CCDC102B: variants seen among roughly 807,000 people sequenced by gnomAD.
The protein encoded by CCDC102B is coiled-coil domain-containing protein 102B.
A neutral mutation model predicts 57.4 loss-of-function variants in CCDC102B; 75 were observed. The observed-to-expected ratio is 1.31, with a 90% confidence interval of 1.08 to 1.58. The LOEUF (loss-of-function observed/expected upper bound fraction) is 1.58. CCDC102B is among the 40% of genes most tolerant of loss of function. The pLI is 0.00. For missense variants in CCDC102B, 636 were observed against 582.6 expected, an observed-to-expected ratio of 1.09 and a Z score of -0.94; for synonymous variants, 206 against 201.9, an observed-to-expected ratio of 1.02 and a Z score of -0.17.
intron 2 of CCDC102B, among the ~76,000 whole-genome samples, chr18:68,765,382 G>GAA (rs1478249163): frequency 4.9e-4 from 61 of 125,186 alleles, no homozygotes; most frequent in African/African-American, 1.8e-3. Flanking sequence ...AGAAAGAAAA[G>GAA]AAAGAAAGAA....
intron 6 of CCDC102B, among the ~76,000 whole-genome samples, chr18:68,999,013 G>C (rs1394967794): frequency 7.1e-6 from 1 of 141,408 alleles, no homozygotes; most frequent in Non-Finnish European, 1.6e-5. Context: ...GAGAGAGAGA[G>C]AGAGAGAGAG....
At chr18:68,801,893 G>A (rs2035866630) in intron 1 of CCDC102B, among the ~76,000 whole-genome samples, 1 of 152,076 alleles carries the variant, frequency 6.6e-6, no homozygotes, top group Admixed American at 6.5e-5. Context: ...TATGACCTCT[G>A]CAAAAGATCA....
chr18:68,724,731 A>G (rs1481638520), intron 2 of CCDC102B, among the ~76,000 whole-genome samples: 1 of 152,146 alleles, frequency 6.6e-6, no homozygotes, highest in Non-Finnish European at 1.5e-5. Flanking sequence ...CCTGTCTTCT[A>G]AACCCTTCAA....
intron 2 of CCDC102B, among the ~76,000 whole-genome samples, chr18:68,791,624 A>ATG (rs769792111): frequency 2.1e-3 from 176 of 84,322 alleles, no homozygotes; most frequent in Middle Eastern, 6.1e-3. Flanking sequence ...GAGTGTGTGT[A>ATG]TGTGTGTGTG....
intron 6 of CCDC102B, among the ~76,000 whole-genome samples, chr18:68,947,305 A>T (rs1371902716): frequency 6.6e-6 from 1 of 152,066 alleles, no homozygotes; most frequent in Non-Finnish European, 1.5e-5. Context: ...AACTGAAGTA[A>T]ATGAAAATAC....
intron 6 of CCDC102B, chr18:68,899,924 G>A (rs2145027709): frequency 1.3e-5 from 2 of 152,156 alleles, no homozygotes; most frequent in South Asian, 4.2e-4. Context: ...AATCCCCATT[G>A]AGTAGTTGCT....
intron 7 of CCDC102B, among the ~76,000 whole-genome samples, chr18:69,028,920 A>C (rs2052063537): frequency 1.3e-5 from 2 of 148,744 alleles, no homozygotes; most frequent in African/African-American, 2.6e-5. Context: ...CTATTACATA[A>C]ATTGTTCATG....
intron 2 of CCDC102B, among the ~76,000 whole-genome samples, chr18:68,760,955 A>G (rs1280682162): frequency 6.6e-6 from 1 of 151,970 alleles, no homozygotes; most frequent in Non-Finnish European, 1.5e-5. Flanking sequence ...CAGGCAAAAG[A>G]AAAAAAATTC....
chr18:68,896,119 AT>A (rs1473021809), intron 5 of CCDC102B, among the ~76,000 whole-genome samples: 2 of 152,038 alleles, frequency 1.3e-5, no homozygotes, highest in African/African-American at 4.8e-5. Flanking sequence ...GTGAAGTCAC[AT>A]TAGAATGCAT....
intron 6 of CCDC102B, among the ~76,000 whole-genome samples, chr18:68,979,554 T>C (rs2050523916): frequency 6.6e-6 from 1 of 151,946 alleles, no homozygotes; most frequent in South Asian, 2.1e-4. Context: ...TTAGAATTCT[T>C]TGTTGGGAGA....
At chr18:69,022,193 C>CTATATATATATATATATA (rs57226048) in intron 7 of CCDC102B, among the ~76,000 whole-genome samples, 134 of 142,030 alleles carry the variant, frequency 9.4e-4, no homozygotes, top group African/African-American at 3.6e-3. Flanking sequence ...ATCCTTTAGC[C>CTATATATATATATATATA]TATATATATA....
rs565168979 is a variant in CCDC102B, at chr18:68,742,538, G to T, written c.-67+25944G>T. Among the ~76,000 whole-genome samples, 8 of 152,324 alleles carry T rather than the reference G, an allele frequency of 5.3e-5. No individual in the cohort carries two copies. The South Asian group carries it at 1.2e-3, about 24-fold the overall frequency. On this transcript the variant is annotated intron_variant, in intron 2 of 3. Coordinates refer to the CCDC102B transcript ENST00000578970. Reference sequence around the variant, plus strand: ...TCTTTGACAGAAGTGATTAATGTTTGTATATAAGGCAAACATAATGGCAGA... The same window carrying T: ...TCTTTGACAGAAGTGATTAATGTTTTTATATAAGGCAAACATAATGGCAGA...
chr18:68,981,055 A>G (rs1016690808), intron 6 of CCDC102B, among the ~76,000 whole-genome samples: 1 of 152,050 alleles, frequency 6.6e-6, no homozygotes, highest in African/African-American at 2.4e-5. Flanking sequence ...AGGAGAGTAG[A>G]TATCATTGGA....
chr18:68,842,323 A>G (rs8086749), intron 3 of CCDC102B, among the ~76,000 whole-genome samples: 144,157 of 151,868 alleles, frequency 0.95, 68,874 homozygotes, highest in East Asian at 1. Context: ...ATATTTGAAA[A>G]TCAAGCTTAT....
Position 68,825,238 on chromosome 18 carries a change from T to G in CCDC102B, c.-15-11511T>G, listed in dbSNP as rs189766457. On this transcript the variant is annotated intron_variant, in intron 1 of 7. Coordinates refer to ENST00000360242, the MANE Select transcript of CCDC102B (RefSeq NM_024781.3). Reference sequence around the variant, plus strand: ...TTAAAAATTTTAATGCCACTTTATGTGTTCAGAGTAAGCACTACTGAACTT... The same window carrying G: ...TTAAAAATTTTAATGCCACTTTATGGGTTCAGAGTAAGCACTACTGAACTT... 1.2e-4 allele frequency among the ~76,000 whole-genome samples: 19 copies of G among 152,372 alleles called. No individual in the cohort carries two copies. The East Asian group carries it at 3.7e-3, about 29-fold the overall frequency.
intron 6 of CCDC102B, among the ~76,000 whole-genome samples, chr18:69,010,433 A>G (rs1206026596): frequency 6.6e-6 from 1 of 152,082 alleles, no homozygotes; most frequent in Non-Finnish European, 1.5e-5. Flanking sequence ...TTCTTTACTC[A>G]TGATGGGTCC....
chr18:68,936,459 T>A (rs2049240564), intron 6 of CCDC102B, among the ~76,000 whole-genome samples: 1 of 152,018 alleles, frequency 6.6e-6, no homozygotes, highest in Admixed American at 6.6e-5. Context: ...TTCAGCCCCT[T>A]GGTATAGAAG....
At chr18:68,764,212 T>G (rs1176983367) in intron 2 of CCDC102B, among the ~76,000 whole-genome samples, 1 of 152,148 alleles carries the variant, frequency 6.6e-6, no homozygotes, top group Non-Finnish European at 1.5e-5. Context: ...CCGTATACTT[T>G]TTTCCAATGG....
chr18:69,012,386 T>A (rs977214185), intron 7 of CCDC102B, among the ~76,000 whole-genome samples: 3 of 152,142 alleles, frequency 2.0e-5, no homozygotes, highest in Non-Finnish European at 2.9e-5. Flanking sequence ...CTAGGGTTCG[T>A]GGACTAATGA....
Sources: gnomAD v4.1 joint callset for allele counts (sites outside exome capture counted in the v4.1 genomes callset) on GRCh38, gnomAD v4.1.1 for gene constraint, MANE v1.5 for transcripts, NCBI Gene and HGNC (gene_info 2026-07-23, HGNC 2026-07-21) for gene names.